EPHB2: variants seen among roughly 807,000 people sequenced by gnomAD.
EPHB2 encodes EPH receptor B2, also known as ephrin type-B receptor 2.
Under a neutral mutation model 96.4 loss-of-function variants are expected in EPHB2, and 18 were observed. That is an observed-to-expected ratio of 0.19 (90% CI 0.13 to 0.28). The LOEUF (loss-of-function observed/expected upper bound fraction) is 0.28, where lower values mean the gene tolerates loss of function less well. Ranked by LOEUF, EPHB2 falls within the 10% of genes least tolerant of loss-of-function variation. The probability of loss-of-function intolerance (pLI) is 1.00; values close to 1 mark genes in which losing one functional copy is unlikely to be tolerated. For missense variants in EPHB2, 989 were observed against 1,355.4 expected (o/e 0.73, Z 4.25); for synonymous variants, 506 against 534.1 (o/e 0.95, Z 0.72).
chr1:22,904,305 A>T (rs973069364), intron 9 of EPHB2, among the ~76,000 whole-genome samples: 4 of 98,198 alleles, frequency 4.1e-5, no homozygotes, highest in Non-Finnish European at 6.2e-5. Flanking sequence ...AAAAAAAAAA[A>T]AATTAATTAA....
At chr1:22,843,399 A>C (rs1017976295) in intron 3 of EPHB2, among the ~76,000 whole-genome samples, 4 of 152,078 alleles carry the variant, frequency 2.6e-5, no homozygotes, top group Non-Finnish European at 5.9e-5. Context: ...CATATAGATA[A>C]ATTGCATGTC....
At chr1:22,774,242 C>T (rs1037710918) in intron 1 of EPHB2, among the ~76,000 whole-genome samples, 2 of 152,182 alleles carry the variant, frequency 1.3e-5, no homozygotes, top group African/African-American at 4.8e-5. Context: ...CGTCTCACTC[C>T]GCCTCTCCCT....
chr1:22,821,585 T>C (rs959631742), intron 3 of EPHB2, among the ~76,000 whole-genome samples: 1 of 152,222 alleles, frequency 6.6e-6, no homozygotes, highest in African/African-American at 2.4e-5. Flanking sequence ...ACCTGAGTTA[T>C]TGGCACAAGA....
At chr1:22,739,088 G>A (rs890631630) in intron 1 of EPHB2, among the ~76,000 whole-genome samples, 4 of 152,268 alleles carry the variant, frequency 2.6e-5, no homozygotes, top group Middle Eastern at 3.4e-3. Context: ...CACCCAGGCT[G>A]GAATACAGTG....
chr1:22,746,799 G>C (rs1271430640), intron 1 of EPHB2, among the ~76,000 whole-genome samples: 1 of 152,094 alleles, frequency 6.6e-6, no homozygotes, highest in African/African-American at 2.4e-5. Context: ...GAGGGTGTAG[G>C]GGAGCTGGGA....
At chr1:22,717,111 A>G (rs1289874997) in intron 1 of EPHB2, among the ~76,000 whole-genome samples, 4 of 152,220 alleles carry the variant, frequency 2.6e-5, no homozygotes, top group Non-Finnish European at 5.9e-5. Flanking sequence ...ACTGGAAAAG[A>G]CTGAAATGAA....
Position 22,914,630 on chromosome 1 carries a change from T to A in EPHB2, c.*1060T>A, listed in dbSNP as rs1640217860. The A allele has an allele frequency of 6.6e-6, 1 of 152,600 alleles. No homozygotes were observed. Among genetic ancestry groups the A allele is most frequent in the Non-Finnish European group, 1.5e-5 (1 of 68,038 alleles). The allele number at this position is 152,600 out of a possible 1,614,324, so 9.5% of individuals were successfully genotyped here. A position where few individuals can be genotyped will look rare whatever the true frequency, so the allele number is the denominator to read the frequency against. ...TGATCCTTCTCCAGGAAGAAGGTGC[T>A]TTCTGCTTACTGACTTAGGCAATAC... On this transcript the variant is annotated 3_prime_UTR_variant, in exon 16 of 16. Coordinates refer to ENST00000374630, the MANE Select transcript of EPHB2 (RefSeq NM_017449.5).
intron 3 of EPHB2, among the ~76,000 whole-genome samples, chr1:22,832,066 C>T (rs1645312386): frequency 6.6e-6 from 1 of 152,156 alleles, no homozygotes; most frequent in African/African-American, 2.4e-5. Context: ...GGAGGACCTT[C>T]GAGGCCCCTG....
At chr1:22,747,692 G>A (rs6664926) in intron 1 of EPHB2, among the ~76,000 whole-genome samples, 2,178 of 152,362 alleles carry the variant, frequency 0.014, 64 homozygotes, top group African/African-American at 0.049. Flanking sequence ...CAAGCGAGCC[G>A]TCGGGGTTCC....
chr1:22,799,207 T>C (rs1644808422), intron 3 of EPHB2, among the ~76,000 whole-genome samples: 1 of 152,078 alleles, frequency 6.6e-6, no homozygotes, highest in South Asian at 2.1e-4. Flanking sequence ...TGCCTAACAG[T>C]CCCTGATTCC....
At chr1:22,774,857 T>G (rs1157252735) in intron 1 of EPHB2, among the ~76,000 whole-genome samples, 1 of 152,162 alleles carries the variant, frequency 6.6e-6, no homozygotes, top group Non-Finnish European at 1.5e-5. Context: ...CTCCCCTACA[T>G]GTGGGCCCTG....
At chr1:22,893,304 C>T (rs1639452010) in intron 7 of EPHB2, among the ~76,000 whole-genome samples, 1 of 152,232 alleles carries the variant, frequency 6.6e-6, no homozygotes, top group Admixed American at 6.5e-5. Flanking sequence ...CAGAGCCACT[C>T]TGAGCAAGTC....
chr1:22,740,831 G>C (rs1643892704), intron 1 of EPHB2, among the ~76,000 whole-genome samples: 1 of 151,448 alleles, frequency 6.6e-6, no homozygotes, highest in South Asian at 2.1e-4. Context: ...GGGTGGCCTT[G>C]TACTCATTTC....
At chr1:22,722,666 T>C (rs1357655369) in intron 1 of EPHB2, among the ~76,000 whole-genome samples, 1 of 152,222 alleles carries the variant, frequency 6.6e-6, no homozygotes, top group Non-Finnish European at 1.5e-5. Context: ...AGAAAGCATG[T>C]CTTCCCTAGG....
At chr1:22,840,089 A>G (rs1357930807) in intron 3 of EPHB2, among the ~76,000 whole-genome samples, 1 of 152,122 alleles carries the variant, frequency 6.6e-6, no homozygotes, top group African/African-American at 2.4e-5. Flanking sequence ...GGATGGATGG[A>G]TGAATGGATG....
intron 3 of EPHB2, among the ~76,000 whole-genome samples, chr1:22,855,237 GC>G (rs998682948): frequency 2.6e-5 from 4 of 152,316 alleles, no homozygotes; most frequent in African/African-American, 7.2e-5. Context: ...GAAGCCGCCA[GC>G]CCCCCTACTC....
In EPHB2 at chr1:22,858,780, T is replaced by C. The variant is rs751870659; in HGVS notation, c.812-4257T>C. Among the ~76,000 whole-genome samples, 62 of 152,198 alleles carry C rather than the reference T, an allele frequency of 4.1e-4. No individual in the cohort carries two copies. Among genetic ancestry groups the C allele is most frequent in the Non-Finnish European group, 7.5e-4 (51 of 68,034 alleles). ...TAGACTTGGGATCAGAATTGGCCTC[T>C]GCTACTGAAGAGCTATGTCTGTCTG... On this transcript the variant is annotated intron_variant, in intron 3 of 15. Coordinates refer to ENST00000374630, the MANE Select transcript of EPHB2 (RefSeq NM_017449.5). This position sits in a 1 kb window ranked among gnomAD's most constrained non-coding sequence, Gnocchi z 7.7.
At chr1:22,755,947 GTTCT>G (rs1644143079) in intron 1 of EPHB2, among the ~76,000 whole-genome samples, 1 of 152,144 alleles carries the variant, frequency 6.6e-6, no homozygotes, top group Admixed American at 6.5e-5. Flanking sequence ...TAGAAAGATA[GTTCT>G]TTGTCTGAGA....
intron 1 of EPHB2, among the ~76,000 whole-genome samples, chr1:22,723,068 A>G (rs908786571): frequency 2.0e-5 from 3 of 152,206 alleles, no homozygotes; most frequent in Non-Finnish European, 4.4e-5. Context: ...CAGCAGGGAG[A>G]GAGCGTGGGG....
Sources: allele counts gnomAD v4.1 joint callset (sites outside exome capture counted in the v4.1 genomes callset), GRCh38; gene constraint gnomAD v4.1.1; non-coding constraint Gnocchi (gnomAD v3.1); transcripts MANE v1.5; gene names NCBI Gene and HGNC (gene_info 2026-07-23, HGNC 2026-07-21).